The following TEX264 variants were observed in gnomAD, a reference collection of about 807,000 sequenced individuals.
TEX264 encodes testis-expressed protein 264.
Under a neutral mutation model 23.4 loss-of-function variants are expected in TEX264, and 13 were observed. That is an observed-to-expected ratio of 0.56 (90% CI 0.36 to 0.88). The LOEUF (loss-of-function observed/expected upper bound fraction) is 0.88. Ranked by LOEUF, TEX264 falls within the 40% of genes least tolerant of loss-of-function variation. The probability of loss-of-function intolerance (pLI) is 0.01; values close to 1 mark genes in which losing one functional copy is unlikely to be tolerated. For missense variants in TEX264, 340 were observed against 406.8 expected (o/e 0.84, Z 1.41); for synonymous variants, 159 against 170.0 (o/e 0.94, Z 0.50).
In TEX264 at chr3:51,703,325, G is replaced by T. The variant is rs1035384165; in HGVS notation, c.650-399G>T. Among the ~76,000 whole-genome samples, 57 of 152,338 alleles carry T rather than the reference G, an allele frequency of 3.7e-4. No individual in the cohort carries two copies. The highest frequency in any genetic ancestry group is 1.1e-3 in the African/African-American group (47 of 41,574). ...CTCTTTCCAAGCTTGAAGTGGGGGTGGGGGAAGGTGGAGAGGACACTACTT... is the reference window on the plus strand; with the variant it reads ...CTCTTTCCAAGCTTGAAGTGGGGGTTGGGGAAGGTGGAGAGGACACTACTT... On this transcript the variant is annotated intron_variant, in intron 4 of 4. Transcript: ENST00000341333. The surrounding 1 kb of genome is among the most constrained non-coding windows in gnomAD (Gnocchi z 4.8).
chr3:51,679,197 C>T (rs1702337140), intron 2 of TEX264, among the ~76,000 whole-genome samples: 1 of 152,180 alleles, frequency 6.6e-6, no homozygotes. Flanking sequence ...GAGTATGTCT[C>T]CTCATCTGTC....
intron 3 of TEX264, among the ~76,000 whole-genome samples, chr3:51,685,298 G>A (rs763102585): frequency 1.3e-5 from 2 of 152,208 alleles, no homozygotes; most frequent in Non-Finnish European, 2.9e-5. Context: ...TGGTTGCTAG[G>A]GAAATGACCC....
Position 51,704,087 on chromosome 3 carries a change from C to T in TEX264, c.*71C>T. On this transcript the variant is annotated 3_prime_UTR_variant, in exon 5 of 5. Transcript: ENST00000341333. The stretch of plus-strand genomic sequence containing the variant: ...CAGACTCTCCAGCAGACTCTCCAGC[C>T]CTCTTCCTCCTTCCTCTGGGGGAGG... 2 of 1,283,798 alleles carry T rather than the reference C, an allele frequency of 1.6e-6. No homozygotes were observed. Among genetic ancestry groups the T allele is most frequent in the Non-Finnish European group, 2.0e-6 (2 of 1,000,830 alleles). The allele number at this position is 1,283,798 out of a possible 1,614,324, so 79.5% of individuals were successfully genotyped here.
chr3:51,693,238 G>A (rs942501031), intron 3 of TEX264, among the ~76,000 whole-genome samples: 2 of 152,186 alleles, frequency 1.3e-5, no homozygotes, highest in African/African-American at 4.8e-5. Context: ...AAAATGAAAA[G>A]TCTTCAGGCA....
chr3:51,684,229 A>G (rs1260671438), intron 2 of TEX264, 184 bp from the exon 3 acceptor site: 1 of 604,850 alleles, frequency 1.7e-6, no homozygotes, highest in Non-Finnish European at 2.9e-6. Flanking sequence ...GTACGATGCC[A>G]CAGGCAGGGG....
chr3:51,676,963 C>T (rs1012457728), intron 2 of TEX264, among the ~76,000 whole-genome samples: 1 of 152,176 alleles, frequency 6.6e-6, no homozygotes, highest in Non-Finnish European at 1.5e-5. Context: ...TCACACTTGG[C>T]ACCTGGGATG....
intron 3 of TEX264, among the ~76,000 whole-genome samples, chr3:51,687,407 A>T (rs1702662031): frequency 6.6e-6 from 1 of 152,238 alleles, no homozygotes; most frequent in Non-Finnish European, 1.5e-5. Context: ...CCCAGGAGAC[A>T]GCAAGGAGAG....
chr3:51,674,512 ATC>A lies in TEX264; in HGVS notation c.213_214del (p.Pro72GlnfsTer10). The A allele has an allele frequency of 1.9e-6, 3 of 1,614,174 alleles. No homozygotes were observed. Among genetic ancestry groups the A allele is most frequent in the Middle Eastern group, 1.6e-4 (1 of 6,062 alleles). ...GCGGCTTTTCACTGAGAGCTGCAGCATCTCTCCCAAGCTCCGCTCCATCGCTG... is the reference window on the plus strand; with the variant it reads ...GCGGCTTTTCACTGAGAGCTGCAGCATCTCCCAAGCTCCGCTCCATCGCTG... ...TGRLFTESCS[I>X]SPKLRSIAVY... On this transcript the variant is annotated frameshift_variant, in exon 2 of 5. Coordinates refer to ENST00000341333, the MANE Select transcript of TEX264 (RefSeq NM_015926.6). LOFTEE classifies it high-confidence loss of function.
At chr3:51,688,961 C>CT (rs1411825109) in intron 3 of TEX264, among the ~76,000 whole-genome samples, 1 of 150,842 alleles carries the variant, frequency 6.6e-6, no homozygotes, top group African/African-American at 2.4e-5. Context: ...GATCCTGCCT[C>CT]TAAAAAAAAC....
intron 2 of TEX264, chr3:51,683,672 G>A (rs1702510237): frequency 6.6e-6 from 1 of 152,238 alleles, no homozygotes; most frequent in Non-Finnish European, 1.5e-5. Flanking sequence ...TGGGGAGGAT[G>A]ATCTCTTCAC....
rs572790584 is a variant in TEX264, at chr3:51,671,548, G to A, written c.-35+260G>A. 2.9e-3 allele frequency: 456 copies of A among 155,100 alleles called. 3 individuals are homozygous for A. The highest frequency in any genetic ancestry group is 0.01 in the African/African-American group (433 of 41,672). The allele number at this position is 155,100 out of a possible 1,614,324, so 9.6% of individuals were successfully genotyped here. A position where few individuals can be genotyped will look rare whatever the true frequency, so the allele number is the denominator to read the frequency against. On this transcript the variant is annotated intron_variant, in intron 1 of 4. Transcript: ENST00000341333. ...CAGGGCATGCCCCGGGGCCGTGGAG[G>A]TGAGGGAAAGAGGCGCGAGTCGCGT... is the stretch of plus-strand genomic sequence containing the variant.
chr3:51,703,506 C>G lies in TEX264; in HGVS notation c.650-218C>G, dbSNP rs1703395079. Among the ~76,000 whole-genome samples, 1 of 151,020 alleles carries G rather than the reference C, an allele frequency of 6.6e-6. No individual in the cohort carries two copies. Among genetic ancestry groups the G allele is most frequent in the Non-Finnish European group, 1.5e-5 (1 of 67,966 alleles). ...AGCTGCCTCCTCCCACCCTCTCTCC[C>G]TCCCTCCCTCCTTCCCTCCCTCCCT... On this transcript the variant is annotated intron_variant, in intron 4 of 4. Coordinates refer to ENST00000341333, the MANE Select transcript of TEX264 (RefSeq NM_015926.6). This position sits in a 1 kb window ranked among gnomAD's most constrained non-coding sequence, Gnocchi z 4.8.
intron 4 of TEX264, among the ~76,000 whole-genome samples, chr3:51,699,956 T>C (rs757310019): frequency 2.6e-5 from 4 of 152,062 alleles, no homozygotes; most frequent in African/African-American, 4.8e-5. Context: ...GGAAGTAAGA[T>C]TGGCATAGAT....
chr3:51,696,187 G>A (rs148290380), intron 3 of TEX264, among the ~76,000 whole-genome samples: 1 of 152,308 alleles, frequency 6.6e-6, no homozygotes, highest in Non-Finnish European at 1.5e-5. Context: ...CAGTGGCAGA[G>A]CACGTTCTCA....
chr3:51,678,596 A>C (rs1485613302), intron 2 of TEX264, among the ~76,000 whole-genome samples: 4 of 152,156 alleles, frequency 2.6e-5, no homozygotes, highest in African/African-American at 9.7e-5. Flanking sequence ...GGGTTGGGGA[A>C]CTGGTGGTAC....
At chr3:51,684,343 C>A in intron 2 of TEX264, 70 bp from the exon 3 acceptor site, 3 of 1,430,872 alleles carry the variant, frequency 2.1e-6, no homozygotes, top group East Asian at 2.3e-5. Flanking sequence ...CTGGCACAGT[C>A]CCAGGAGGAA....
chr3:51,674,234 G>A (rs1645193002), intron 1 of TEX264, 37 bp from the exon 2 acceptor site: 2 of 1,596,336 alleles, frequency 1.3e-6, no homozygotes, highest in African/African-American at 1.3e-5. Context: ...TGTCAGAGTA[G>A]GCTACCAGCC....
At chr3:51,688,068 C>T (rs1385639875) in intron 3 of TEX264, among the ~76,000 whole-genome samples, 1 of 152,246 alleles carries the variant, frequency 6.6e-6, no homozygotes, top group Non-Finnish European at 1.5e-5. Context: ...CCCCTGGAAT[C>T]CATGCGTACT....
intron 2 of TEX264, among the ~76,000 whole-genome samples, chr3:51,680,779 C>G (rs1270648134): frequency 2.0e-5 from 3 of 152,156 alleles, no homozygotes; most frequent in African/African-American, 7.2e-5. Context: ...AGGGTTCGGC[C>G]CAAATACAGA....
Sources: gnomAD v4.1 joint callset for allele counts (sites outside exome capture counted in the v4.1 genomes callset) on GRCh38, gnomAD v4.1.1 for gene constraint, Gnocchi (gnomAD v3.1) non-coding constraint, MANE v1.5 for transcripts, NCBI Gene and HGNC (gene_info 2026-07-23, HGNC 2026-07-21) for gene names.